NEK10: variants seen among roughly 807,000 people sequenced by gnomAD.
The protein encoded by NEK10 is serine/threonine-protein kinase Nek10.
Under a neutral mutation model 159.8 loss-of-function variants are expected in NEK10, and 122 were observed. That is an observed-to-expected ratio of 0.76 (90% CI 0.66 to 0.89). The LOEUF is 0.89. Among genes scored for constraint, NEK10 ranks in the 40% least tolerant of loss-of-function variants. NEK10 has a pLI of 0.00. For missense variants in NEK10, 1,342 were observed against 1,323.1 expected (o/e 1.01, Z -0.22); for synonymous variants, 466 against 457.1 (o/e 1.02, Z -0.25).
rs1949159760 is a variant in NEK10, at chr3:27,192,023, A to T, written c.2505+6T>A. 1 of 1,613,652 alleles carries T rather than the reference A, an allele frequency of 6.2e-7. No homozygotes were observed. The highest frequency in any genetic ancestry group is 1.3e-5 in the African/African-American group (1 of 74,942). On this transcript the variant is annotated splice_donor_region_variant and intron_variant, in intron 26 of 35. Transcript: ENST00000691995. ...ATCATGAACCGATTGAAATATTTGC[A>T]CTTACGTGAGATAGAACAGCCAGCT...
chr3:27,151,789 G>C (rs1944901843), intron 30 of NEK10, among the ~76,000 whole-genome samples: 1 of 152,162 alleles, frequency 6.6e-6, no homozygotes, highest in Non-Finnish European at 1.5e-5. Context: ...AATATTCAGG[G>C]AAATAGATAG....
chr3:27,126,880 C>G (rs1367944106), intron 32 of NEK10, among the ~76,000 whole-genome samples: 1 of 152,112 alleles, frequency 6.6e-6, no homozygotes, highest in Non-Finnish European at 1.5e-5. Context: ...CCCAGTCAGT[C>G]TCTTCATCCA....
chr3:27,133,682 G>T (rs1284631231), intron 31 of NEK10, among the ~76,000 whole-genome samples: 4 of 152,220 alleles, frequency 2.6e-5, no homozygotes, highest in Non-Finnish European at 5.9e-5. Flanking sequence ...GCTGAGGCAG[G>T]ACAGTTGCTT....
chr3:27,242,631 C>T (rs1158754884), intron 23 of NEK10, among the ~76,000 whole-genome samples: 1 of 152,188 alleles, frequency 6.6e-6, no homozygotes, highest in Non-Finnish European at 1.5e-5. Flanking sequence ...CCCATGTCCA[C>T]TGGCATCTTA....
intron 11 of NEK10, among the ~76,000 whole-genome samples, chr3:27,305,236 C>T (rs557757695): frequency 6.6e-5 from 10 of 152,308 alleles, no homozygotes; most frequent in African/African-American, 2.2e-4. Flanking sequence ...ATTCGCATCC[C>T]TATGTTAAAA....
intron 22 of NEK10, among the ~76,000 whole-genome samples, chr3:27,272,961 T>C (rs779538286): frequency 5.3e-5 from 8 of 152,100 alleles, no homozygotes; most frequent in Non-Finnish European, 8.8e-5. Context: ...CCCCCATATA[T>C]GGGGTTAAGA....
intron 32 of NEK10, among the ~76,000 whole-genome samples, chr3:27,126,076 T>C (rs1166970344): frequency 6.6e-6 from 1 of 152,160 alleles, no homozygotes; most frequent in African/African-American, 2.4e-5. Context: ...TGTGCAAACC[T>C]AAGTCATGAT....
chr3:27,282,844 A>T (rs1022708245), intron 22 of NEK10, among the ~76,000 whole-genome samples: 1 of 151,268 alleles, frequency 6.6e-6, no homozygotes, highest in Non-Finnish European at 1.5e-5. Flanking sequence ...AATAAATTAT[A>T]AAAAATTTTC....
At chr3:27,176,753 G>A (rs919329515) in intron 26 of NEK10, among the ~76,000 whole-genome samples, 3 of 152,072 alleles carry the variant, frequency 2.0e-5, no homozygotes, top group Admixed American at 1.3e-4. Flanking sequence ...CTATCCTGAA[G>A]ACCACAGCTG....
intron 23 of NEK10, among the ~76,000 whole-genome samples, chr3:27,232,983 A>T (rs1011552665): frequency 6.6e-6 from 1 of 151,994 alleles, no homozygotes; most frequent in Non-Finnish European, 1.5e-5. Context: ...TTAGGCAAAC[A>T]ATTCATGACT....
At chr3:27,321,178 GT>G (rs2045600756) in intron 6 of NEK10, among the ~76,000 whole-genome samples, 1 of 146,440 alleles carries the variant, frequency 6.8e-6, no homozygotes, top group African/African-American at 2.6e-5. Context: ...AAAAAAAAAA[GT>G]GTTAAGTAAG....
intron 35 of NEK10, among the ~76,000 whole-genome samples, chr3:27,114,199 C>T (rs1202941204): frequency 1.3e-5 from 2 of 152,102 alleles, no homozygotes; most frequent in Admixed American, 6.6e-5. Flanking sequence ...CCCTTTTTCC[C>T]GGAAGCCCAG....
At chr3:27,343,766 C>T (rs2047363672) in intron 5 of NEK10, among the ~76,000 whole-genome samples, 1 of 152,158 alleles carries the variant, frequency 6.6e-6, no homozygotes, top group South Asian at 2.1e-4. Flanking sequence ...CCTTCCTCTA[C>T]AGTCCCAACA....
chr3:27,316,700 A>G (rs2045212672), intron 6 of NEK10, among the ~76,000 whole-genome samples: 1 of 152,178 alleles, frequency 6.6e-6, no homozygotes, highest in Non-Finnish European at 1.5e-5. Flanking sequence ...ATATGGGACT[A>G]ACTCAATGTT....
In NEK10 at chr3:27,291,567, A is replaced by G; in HGVS notation, c.1393T>C (p.Phe465Leu). The G allele has an allele frequency of 1.2e-6, 2 of 1,602,366 alleles. No individual in the cohort carries two copies. The highest frequency in any genetic ancestry group is 4.5e-5 in the East Asian group (2 of 44,836). ...LFKRLFPTDL[F>L]EIFIDIGHYV... ...TGCCCTATGTCAATGAAGATCTCAA[A>G]CAAGTCTGTGGGGAAAAGTCTACAG... The change falls in exon 17 of 36, where the codon TTT becomes CTT. Residue 465 changes from phenylalanine (F) to leucine (L), a missense_variant. Transcript: ENST00000691995.
At chr3:27,340,468 T>C (rs535529737) in intron 5 of NEK10, among the ~76,000 whole-genome samples, 1 of 152,230 alleles carries the variant, frequency 6.6e-6, no homozygotes, top group African/African-American at 2.4e-5. Flanking sequence ...GGCACATGTA[T>C]ACCTATGTAA....
At chr3:27,290,803 G>A (rs1299881993) in intron 18 of NEK10, 49 bp from the exon 19 acceptor site, 2 of 1,432,958 alleles carry the variant, frequency 1.4e-6, no homozygotes, top group Admixed American at 4.3e-5. Context: ...GGGTAAAGAA[G>A]GAGAAGAGAG....
intron 16 of NEK10, 44 bp from the exon 17 acceptor site, chr3:27,291,630 G>A: frequency 9.1e-7 from 1 of 1,093,196 alleles, no homozygotes; most frequent in South Asian, 1.3e-5. Flanking sequence ...CTTGGACACA[G>A]TTGATCATTA....
At chr3:27,112,084 C>G (rs113559140) in intron 35 of NEK10, among the ~76,000 whole-genome samples, 1,866 of 152,302 alleles carry the variant, frequency 0.012, 35 homozygotes, top group African/African-American at 0.042. Flanking sequence ...GAGGTCCTTG[C>G]TGCTCTTTCT....
Sources: gnomAD v4.1 joint callset for allele counts (sites outside exome capture counted in the v4.1 genomes callset) on GRCh38, gnomAD v4.1.1 for gene constraint, MANE v1.5 for transcripts, NCBI Gene and HGNC (gene_info 2026-07-23, HGNC 2026-07-21) for gene names.